The following GMCL1 variants were observed in gnomAD, a reference collection of about 807,000 sequenced individuals.
The protein encoded by GMCL1 is germ cell-less 1, spermatogenesis associated.
A neutral mutation model predicts 75.5 loss-of-function variants in GMCL1; 54 were observed. The observed-to-expected ratio is 0.71, with a 90% CI of 0.57 to 0.90. The LOEUF is 0.90. GMCL1 is among the 40% of genes least tolerant of loss of function. The pLI, the probability that GMCL1 is intolerant of heterozygous loss-of-function variation, is 0.00. For missense variants in GMCL1, 537 were observed against 622.7 expected (o/e 0.86, Z 1.47); for synonymous variants, 210 against 209.6 (o/e 1.00, Z -0.02).
chr2:69,837,790 T>C, intron 2 of GMCL1, 120 bp downstream of exon 2: 3 of 1,179,254 alleles, frequency 2.5e-6, no homozygotes, highest in Non-Finnish European at 3.5e-6. Context: ...ATCCTCTCAT[T>C]TGATCAGTCT....
Position 69,876,994 on chromosome 2 carries a change from A to C in GMCL1, c.1453-1915A>C, listed in dbSNP as rs530480134. On this transcript the variant is annotated intron_variant, in intron 13 of 13. Transcript: ENST00000282570. ...CAGAGTCAGACCCTGTCTCAAAACA[A>C]AAACAGACAGACAAAAAACACTACC... Among the ~76,000 whole-genome samples, 10 of 152,258 alleles carry C rather than the reference A, an allele frequency of 6.6e-5. No individual in the cohort carries two copies. The East Asian group carries it at 1.9e-3, about 29-fold the overall frequency.
chr2:69,875,092 A>T (rs960886487), intron 13 of GMCL1, among the ~76,000 whole-genome samples: 4 of 152,082 alleles, frequency 2.6e-5, no homozygotes, highest in African/African-American at 9.7e-5. Context: ...AAAACAATCT[A>T]TCTTTTTCTT....
intron 1 of GMCL1, among the ~76,000 whole-genome samples, chr2:69,835,847 TCA>T (rs1290303764): frequency 6.6e-6 from 1 of 152,186 alleles, no homozygotes; most frequent in Non-Finnish European, 1.5e-5. Context: ...CTGGTGAATT[TCA>T]CACACGGTTT....
intron 11 of GMCL1, among the ~76,000 whole-genome samples, chr2:69,867,627 A>T (rs1379637037): frequency 6.6e-6 from 1 of 151,990 alleles, no homozygotes; most frequent in African/African-American, 2.4e-5. Flanking sequence ...TCCCTTGCTT[A>T]TACTCTTTTA....
chr2:69,843,375 G>T, intron 5 of GMCL1, 114 bp downstream of exon 5: 1 of 574,036 alleles, frequency 1.7e-6, no homozygotes, highest in Admixed American at 3.2e-5. Context: ...AAATAGGATA[G>T]GGGGATGGAA....
chr2:69,854,203 G>A lies in GMCL1; in HGVS notation c.935-620G>A, dbSNP rs543478246. Among the ~76,000 whole-genome samples the A allele has an allele frequency of 7.7e-4, 116 of 151,368 alleles. 1 individual carries two copies. Among genetic ancestry groups the A allele is most frequent in the Non-Finnish European group, 9.9e-4 (67 of 67,894 alleles). Reference sequence around the variant, plus strand: ...CTTGCTCTGTCACACAGGCTGGAGTGCAGTGGTGCAATCATAGCTCACTGC... The same window carrying A: ...CTTGCTCTGTCACACAGGCTGGAGTACAGTGGTGCAATCATAGCTCACTGC... On this transcript the variant is annotated intron_variant, in intron 8 of 13. Coordinates refer to ENST00000282570, the MANE Select transcript of GMCL1 (RefSeq NM_178439.5).
At chr2:69,877,729 TGTGTGA>T (rs752779072) in intron 13 of GMCL1, among the ~76,000 whole-genome samples, 1 of 151,886 alleles carries the variant, frequency 6.6e-6, no homozygotes, top group African/African-American at 2.4e-5. Flanking sequence ...TGTGTGTGTG[TGTGTGA>T]GACATTTGTA....
intron 2 of GMCL1, among the ~76,000 whole-genome samples, chr2:69,839,028 G>A (rs1489115182): frequency 6.6e-6 from 1 of 152,132 alleles, no homozygotes; most frequent in African/African-American, 2.4e-5. Context: ...GGTCCATTCT[G>A]GACATTTCTC....
At chr2:69,849,267 T>G (rs1041866149) in intron 7 of GMCL1, among the ~76,000 whole-genome samples, 2 of 152,136 alleles carry the variant, frequency 1.3e-5, no homozygotes, top group Non-Finnish European at 1.5e-5. Context: ...CCTCTAGGGC[T>G]CAAAAGGTTC....
At chr2:69,830,670 G>C (rs1414899181) in intron 1 of GMCL1, among the ~76,000 whole-genome samples, 1 of 152,036 alleles carries the variant, frequency 6.6e-6, no homozygotes, top group East Asian at 1.9e-4. Context: ...TCCTAACTAG[G>C]AACAGAGTCT....
chr2:69,862,083 A>G (rs868360980), intron 10 of GMCL1, among the ~76,000 whole-genome samples: 1 of 152,326 alleles, frequency 6.6e-6, no homozygotes, highest in Middle Eastern at 3.4e-3. Flanking sequence ...GACTCCCCCC[A>G]CAAAACATTA....
chr2:69,842,982 G>A, intron 4 of GMCL1, 167 bp from the exon 5 acceptor site: 1 of 387,328 alleles, frequency 2.6e-6, no homozygotes, highest in Non-Finnish European at 4.4e-6. Context: ...TATTTTTATT[G>A]GACTTGTTAA....
chr2:69,847,226 A>G (rs1675179017), intron 6 of GMCL1, among the ~76,000 whole-genome samples: 1 of 152,160 alleles, frequency 6.6e-6, no homozygotes, highest in Non-Finnish European at 1.5e-5. Flanking sequence ...AAGTTATCTT[A>G]CCGGAACCTT....
intron 13 of GMCL1, chr2:69,873,941 G>A (rs892345476): frequency 2.8e-5 from 4 of 145,090 alleles, no homozygotes; most frequent in Non-Finnish European, 6.1e-5. Flanking sequence ...GGTAGTAATT[G>A]TAACCTTTTT....
At chr2:69,842,909 C>G in intron 4 of GMCL1, 1 of 264,284 alleles carries the variant, frequency 3.8e-6, no homozygotes, top group Non-Finnish European at 6.6e-6. Context: ...CCTTACTACT[C>G]CCCCCCACCT....
At chr2:69,834,431 G>A (rs2103943689) in intron 1 of GMCL1, among the ~76,000 whole-genome samples, 1 of 152,264 alleles carries the variant, frequency 6.6e-6, no homozygotes, top group East Asian at 1.9e-4. Flanking sequence ...TTCCAAGGAA[G>A]GGTGCAAAAG....
At chr2:69,856,019 A>C (rs914809285) in intron 9 of GMCL1, among the ~76,000 whole-genome samples, 2 of 152,184 alleles carry the variant, frequency 1.3e-5, no homozygotes, top group Non-Finnish European at 2.9e-5. Flanking sequence ...GATGGGTACA[A>C]GTATTTCTAG....
chr2:69,870,777 A>G (rs1215199840), intron 12 of GMCL1, among the ~76,000 whole-genome samples: 1 of 152,234 alleles, frequency 6.6e-6, no homozygotes, highest in Non-Finnish European at 1.5e-5. Context: ...AACATTACTA[A>G]TTAGGGACAT....
chr2:69,844,894 C>A, intron 6 of GMCL1: 1 of 336,850 alleles, frequency 3.0e-6, no homozygotes, highest in South Asian at 2.4e-5. Flanking sequence ...TGAGAGAAGT[C>A]TGTGGCCATG....
Sources: gnomAD v4.1 joint callset for allele counts (sites outside exome capture counted in the v4.1 genomes callset) on GRCh38, gnomAD v4.1.1 for gene constraint, MANE v1.5 for transcripts, NCBI Gene and HGNC (gene_info 2026-07-23, HGNC 2026-07-21) for gene names.